The following C11orf24 variants were observed in gnomAD, a reference collection of about 807,000 sequenced individuals.
C11orf24 encodes the protein chromosome 11 open reading frame 24.
A neutral mutation model predicts 7.3 loss-of-function variants in C11orf24; 5 were observed. That is an observed-to-expected ratio of 0.69 (90% CI 0.36 to 1.45). C11orf24 has a LOEUF of 1.45. Among genes scored for constraint, C11orf24 ranks in the 40% most tolerant of loss-of-function variants. C11orf24 has a pLI of 0.03. For synonymous variants in C11orf24, 233 were observed against 235.7 expected, an observed-to-expected ratio of 0.99 and a Z score of 0.11; for missense variants, 566 against 590.5, an observed-to-expected ratio of 0.96 and a Z score of 0.43.
rs2153102876 is a variant in C11orf24, at chr11:68,261,555, C to T, written c.*90G>A. On this transcript the variant is annotated 3_prime_UTR_variant, in exon 4 of 4. Coordinates refer to ENST00000304271, the MANE Select transcript of C11orf24 (RefSeq NM_022338.4). ...ATCTGGCATATCTCCTCAATTGCAC[C>T]AAAAGAATTTGGAAGCACTTGGTTT... The T allele has an allele frequency of 1.6e-6, 2 of 1,213,656 alleles. No homozygotes were observed. Among genetic ancestry groups the T allele is most frequent in the Middle Eastern group, 2.7e-4 (1 of 3,744 alleles). 75.2% of individuals were successfully genotyped at this position (1,213,656 alleles called of 1,614,324 possible). A position where few individuals can be genotyped will look rare whatever the true frequency, so the allele number is the denominator to read the frequency against.
rs976981079 is a variant in C11orf24, at chr11:68,265,688, A to G, written c.-99-1822T>C. ...TGTGTGTGGAGAGAGGATTCTTGCT[A>G]TGTTGCCCAGGGTGGTCTCCAGCTC... On this transcript the variant is annotated intron_variant, in intron 2 of 3. Coordinates refer to ENST00000304271, the MANE Select transcript of C11orf24 (RefSeq NM_022338.4). Among the ~76,000 whole-genome samples, 6 of 152,020 alleles carry G rather than the reference A, an allele frequency of 3.9e-5. No individual in the cohort carries two copies. In the East Asian group the frequency reaches 5.8e-4, roughly 15 times the overall value.
At chr11:68,266,258 G>C (rs2153103976) in intron 2 of C11orf24, among the ~76,000 whole-genome samples, 1 of 152,324 alleles carries the variant, frequency 6.6e-6, no homozygotes, top group Non-Finnish European at 1.5e-5. Flanking sequence ...ATGGCGCCTG[G>C]CTTAGCCAGC....
intron 3 of C11orf24, chr11:68,263,347 C>A: frequency 7.2e-6 from 3 of 414,526 alleles, no homozygotes; most frequent in South Asian, 7.9e-5. Context: ...GGATTCACTG[C>A]AGGAATTCTT....
rs200644610 is a variant in C11orf24, at chr11:68,262,647, C to T, written c.348G>A (p.Ala116=). ...APTAVASSTT[A]ASITTAASSM... ...TGGAGGCCGCAGTCGTAATGGAGGC[C>T]GCAGTCGTACTGGAGGCCACAGCCG... is the stretch of plus-strand genomic sequence containing the variant. The change falls in exon 4 of 4, where the codon GCG becomes GCA. Residue 116 remains alanine, a synonymous_variant. Coordinates refer to ENST00000304271, the MANE Select transcript of C11orf24 (RefSeq NM_022338.4). The T allele has an allele frequency of 2.9e-5, 47 of 1,613,844 alleles. No homozygotes were observed. Among genetic ancestry groups the T allele is most frequent in the South Asian group, 4.4e-5 (4 of 91,026 alleles).
At chr11:68,264,321 A>G (rs1281866524) in intron 2 of C11orf24, among the ~76,000 whole-genome samples, 1 of 151,436 alleles carries the variant, frequency 6.6e-6, no homozygotes, top group East Asian at 1.9e-4. Flanking sequence ...ATACTACTTA[A>G]CCATTCATCC....
chr11:68,271,155 A>G (rs1429744751), intron 1 of C11orf24, among the ~76,000 whole-genome samples: 1 of 152,196 alleles, frequency 6.6e-6, no homozygotes. Context: ...TCGAAATGTT[A>G]GAGATTTTCC....
In C11orf24 at chr11:68,262,388, T is replaced by C. The variant is rs780689024; in HGVS notation, c.607A>G (p.Arg203Gly). ...AQVPKSSALP[R>G]TATLATLATR... Reference sequence around the variant, plus strand: ...GCCAATGTGGCCAGGGTTGCTGTTCTTGGCAACGCGCTGCTCTTTGGCACT... The same window carrying C: ...GCCAATGTGGCCAGGGTTGCTGTTCCTGGCAACGCGCTGCTCTTTGGCACT... Residue 203 changes from arginine (R) to glycine (G), a missense_variant, in exon 4 of 4, where the codon AGA (arginine) becomes GGA (glycine). By Grantham distance (125) the Arg-to-Gly change is moderately radical. Transcript: ENST00000304271. 7 of 1,614,066 alleles carry C rather than the reference T, an allele frequency of 4.3e-6. No homozygotes were observed. The highest frequency in any genetic ancestry group is 2.2e-5 in the East Asian group (1 of 44,898).
chr11:68,265,888 A>G (rs2098564835), intron 2 of C11orf24, among the ~76,000 whole-genome samples: 1 of 152,270 alleles, frequency 6.6e-6, no homozygotes, highest in Non-Finnish European at 1.5e-5. Context: ...AGCCCACAGC[A>G]AAGTGTGGCC....
intron 1 of C11orf24, among the ~76,000 whole-genome samples, chr11:68,269,990 AAC>A (rs1167077950): frequency 1.3e-5 from 2 of 152,118 alleles, no homozygotes; most frequent in Admixed American, 6.6e-5. Flanking sequence ...CATTTAAAAT[AAC>A]AGTTTCCCCT....
intron 2 of C11orf24, among the ~76,000 whole-genome samples, chr11:68,266,068 G>C (rs1057236298): frequency 6.6e-6 from 1 of 152,214 alleles, no homozygotes; most frequent in African/African-American, 2.4e-5. Context: ...AGGGTCAAGA[G>C]ACCATGCAAG....
At chr11:68,266,617 C>T (rs551176163) in intron 2 of C11orf24, among the ~76,000 whole-genome samples, 4 of 151,486 alleles carry the variant, frequency 2.6e-5, no homozygotes, top group East Asian at 1.9e-4. Context: ...AAAAGTGTGG[C>T]GGGGGGGATG....
chr11:68,263,051 G>A, intron 3 of C11orf24, 133 bp from the exon 4 acceptor site: 1 of 675,744 alleles, frequency 1.5e-6, no homozygotes. Context: ...GGGAGGTGAT[G>A]TGCGAACATG....
chr11:68,262,798 G>C lies in C11orf24; in HGVS notation c.197C>G (p.Thr66Ser). 1 of 1,614,140 alleles carries C rather than the reference G, an allele frequency of 6.2e-7. No homozygotes were observed. The highest frequency in any genetic ancestry group is 8.5e-7 in the Non-Finnish European group (1 of 1,180,034). ...GAGGTGGGCTGCCGAAGTCCCTTTG[G>C]TCAATGTGACAGGAGAAGCTGCTGC... ...TMAAASPVTL[T>S]KGTSAAHLNS... is the part of the protein sequence containing the mutation. Residue 66 changes from threonine (T) to serine (S), a missense_variant, in exon 4 of 4, where the codon ACC (threonine) becomes AGC (serine). Transcript: ENST00000304271.
In C11orf24 at chr11:68,261,969, C is replaced by A. The variant is rs745708499; in HGVS notation, c.1026G>T (p.Gln342His). 6.2e-7 allele frequency: 1 copy of A among 1,613,966 alleles called. No individual in the cohort carries two copies. The highest frequency in any genetic ancestry group is 8.5e-7 in the Non-Finnish European group (1 of 1,180,030). ...CTTCAGTCTCTACCTGCTCCGGTGCCTGGGATGTGCCTGGCCCAGCGGCCC... is the reference window on the plus strand; with the variant it reads ...CTTCAGTCTCTACCTGCTCCGGTGCATGGGATGTGCCTGGCCCAGCGGCCC... ...TQRAAGPGTS[Q>H]APEQVETEAT... is the part of the protein sequence containing the mutation. The change falls in exon 4 of 4, where the codon CAG (glutamine) becomes CAT (histidine). Residue 342 changes from glutamine to histidine, a missense_variant. Coordinates refer to ENST00000304271, the MANE Select transcript of C11orf24 (RefSeq NM_022338.4).
rs1278998985 is a variant in C11orf24 at position 68,261,342 on chromosome 11, G to A, written c.*303C>T. On this transcript the variant is annotated 3_prime_UTR_variant, in exon 4 of 4. Coordinates refer to ENST00000304271, the MANE Select transcript of C11orf24 (RefSeq NM_022338.4). The stretch of plus-strand genomic sequence containing the variant: ...CAGGATGCACCCACACGATTGTGGC[G>A]AGCAGTCAGTACTTTAATTCAGGTC... 5 of 332,300 alleles carry A rather than the reference G, an allele frequency of 1.5e-5. No individual in the cohort carries two copies. The highest frequency in any genetic ancestry group is 4.4e-5 in the South Asian group (1 of 22,710). 20.6% of individuals were successfully genotyped at this position (332,300 alleles called of 1,614,324 possible).
In C11orf24 at chr11:68,261,638, G is replaced by GC. The variant is rs770310932; in HGVS notation, c.*6dup. On this transcript the variant is annotated 3_prime_UTR_variant, in exon 4 of 4. Coordinates refer to ENST00000304271, the MANE Select transcript of C11orf24 (RefSeq NM_022338.4). ...GGGCCAGGCCTCCCGCCAGGCCCCC[G>GC]CCCCCCTCACATTTCTGAGTCCGCA... 8 of 1,593,548 alleles carry GC rather than the reference G, an allele frequency of 5.0e-6. No individual in the cohort carries two copies. Among genetic ancestry groups the GC allele is most frequent in the South Asian group, 2.2e-5 (2 of 90,276 alleles).
At position 68,262,622 on chromosome 11, in the gene C11orf24, T is replaced by C; in HGVS notation, c.373A>G (p.Ser125Gly). ...GGAGCACTGGAGGCCACAGTCATAC[T>C]GGAGGCCGCAGTCGTAATGGAGGCC... ...TAASITTAAS[S>G]MTVASSAPTT... Residue 125 changes from serine (S) to glycine (G), a missense_variant, in exon 4 of 4, where the codon AGT becomes GGT. Transcript: ENST00000304271. The C allele has an allele frequency of 6.2e-7, 1 of 1,612,682 alleles. No individual in the cohort carries two copies. The highest frequency in any genetic ancestry group is 8.5e-7 in the Non-Finnish European group (1 of 1,179,872).
chr11:68,262,678 G>A lies in C11orf24; in HGVS notation c.317C>T (p.Ala106Val). Reference protein sequence around the residue: ...GGAADGVTSIAPTAVASSTTA... With the variant: ...GGAADGVTSIVPTAVASSTTA... ...CGTACTGGAGGCCACAGCCGTGGGAGCAATGGAGGTCACACCATCAGCTGC... is the reference window on the plus strand; with the variant it reads ...CGTACTGGAGGCCACAGCCGTGGGAACAATGGAGGTCACACCATCAGCTGC... Residue 106 changes from alanine to valine, a missense_variant, in exon 4 of 4, where the codon GCT (alanine) becomes GTT (valine). Transcript: ENST00000304271. 1 of 1,614,178 alleles carries A rather than the reference G, an allele frequency of 6.2e-7. No individual in the cohort carries two copies. The highest frequency in any genetic ancestry group is 8.5e-7 in the Non-Finnish European group (1 of 1,180,026).
At chr11:68,263,056 A>T (rs2098562784) in intron 3 of C11orf24, 138 bp from the exon 4 acceptor site, 2 of 663,960 alleles carry the variant, frequency 3.0e-6, no homozygotes, top group African/African-American at 1.8e-5. Flanking sequence ...GTGATGTGCG[A>T]ACATGCTTCC....
Sources: gnomAD v4.1 joint callset for allele counts (sites outside exome capture counted in the v4.1 genomes callset) on GRCh38, gnomAD v4.1.1 for gene constraint, MANE v1.5 for transcripts, NCBI Gene and HGNC (gene_info 2026-07-23, HGNC 2026-07-21) for gene names.